Variants in PTPRQ observed in about 807,000 individuals in gnomAD.
PTPRQ encodes the protein protein tyrosine phosphatase receptor type Q, also known as phosphatidylinositol phosphatase PTPRQ.
In PTPRQ, 199 loss-of-function variants were observed where a neutral mutation model predicts 246.0. That is an observed-to-expected ratio of 0.81 (90% CI 0.72 to 0.91). The LOEUF is 0.91. Ranked by LOEUF, PTPRQ falls within the 40% of genes least tolerant of loss-of-function variation. The probability of loss-of-function intolerance (pLI) is 0.00; values close to 1 mark genes in which losing one functional copy is unlikely to be tolerated. For synonymous variants in PTPRQ, 869 were observed against 853.2 expected (o/e 1.02, Z -0.32); for missense variants, 2,624 against 2,528.4 (o/e 1.04, Z -0.81).
intron 26 of PTPRQ, among the ~76,000 whole-genome samples, chr12:80,593,169 A>T (rs749113352): frequency 6.6e-6 from 1 of 152,226 alleles, no homozygotes; most frequent in Non-Finnish European, 1.5e-5. Context: ...GTTGTACTCA[A>T]GCACTTACTA....
At chr12:80,579,924 GT>G (rs889086974) in intron 25 of PTPRQ, among the ~76,000 whole-genome samples, 6 of 152,140 alleles carry the variant, frequency 3.9e-5, no homozygotes, top group East Asian at 3.9e-4. Context: ...TCAGACATCT[GT>G]TTTGCTTAAA....
At position 80,666,338 on chromosome 12, in the gene PTPRQ, T is replaced by C. The variant is rs1044882470; in HGVS notation, c.6193-2669T>C. On this transcript the variant is annotated intron_variant, in intron 39 of 44. Transcript: ENST00000644991. ...GAACAGAAAAATAAATACCACATGT[T>C]CTCACTTATGCAGAGGCTGAAAAAG... 8.5e-5 allele frequency among the ~76,000 whole-genome samples: 13 copies of C among 152,136 alleles called. No homozygotes were observed. The East Asian group carries it at 2.5e-3, about 30-fold the overall frequency.
intron 42 of PTPRQ, among the ~76,000 whole-genome samples, chr12:80,672,852 G>T (rs1401474046): frequency 1.3e-5 from 2 of 151,730 alleles, no homozygotes; most frequent in Non-Finnish European, 2.9e-5. Context: ...CTGGTATTAA[G>T]AATTTTCAAT....
At chr12:80,677,187 A>C (rs977350202) in intron 43 of PTPRQ, among the ~76,000 whole-genome samples, 1 of 152,196 alleles carries the variant, frequency 6.6e-6, no homozygotes. Flanking sequence ...TATTTTTTTA[A>C]ATACTAGAAC....
chr12:80,619,547 CAT>C lies in PTPRQ; in HGVS notation c.5389+6_5389+7del. On this transcript the variant is annotated splice_donor_region_variant and intron_variant, in intron 31 of 44. Coordinates refer to ENST00000644991, the MANE Select transcript of PTPRQ (RefSeq NM_001145026.2). ...TGCTTGTGACAGAAACAGGAGGTATCATCACATGTCAATTTATCTTGTTAAAT... is the reference window on the plus strand; with the variant it reads ...TGCTTGTGACAGAAACAGGAGGTATCCACATGTCAATTTATCTTGTTAAAT... 1 of 1,510,442 alleles carries C rather than the reference CAT, an allele frequency of 6.6e-7. No individual in the cohort carries two copies. Among genetic ancestry groups the C allele is most frequent in the Non-Finnish European group, 8.9e-7 (1 of 1,124,112 alleles). The allele number at this position is 1,510,442 out of a possible 1,614,324, so 93.6% of individuals were successfully genotyped here.
chr12:80,546,771 A>G (rs1364768701), intron 24 of PTPRQ, 74 bp downstream of exon 24: 29 of 1,480,930 alleles, frequency 2.0e-5, no homozygotes, highest in South Asian at 2.6e-5. Flanking sequence ...CTTAGTTTAT[A>G]TGATAAAGTA....
chr12:80,549,348 T>C, intron 24 of PTPRQ, 117 bp from the exon 25 acceptor site: 1 of 1,249,108 alleles, frequency 8.0e-7, no homozygotes, highest in Non-Finnish European at 1.1e-6. Context: ...GAAAATTTGA[T>C]ATATTAAATA....
At position 80,539,265 on chromosome 12, in the gene PTPRQ, C is replaced by T. The variant is rs1222802381; in HGVS notation, c.2986-511C>T. Among the ~76,000 whole-genome samples, 5 of 151,892 alleles carry T rather than the reference C, an allele frequency of 3.3e-5. No homozygotes were observed. In the East Asian group the frequency reaches 9.6e-4, roughly 29 times the overall value. ...TTGCTACAACTGTGAGAAGTAAAGTCTGAAAAGAAATGTGAAAGTCTGAAA... is the reference window on the plus strand; with the variant it reads ...TTGCTACAACTGTGAGAAGTAAAGTTTGAAAAGAAATGTGAAAGTCTGAAA... On this transcript the variant is annotated intron_variant, in intron 19 of 44. Transcript: ENST00000644991.
At chr12:80,557,357 C>G (rs1811227962) in intron 25 of PTPRQ, among the ~76,000 whole-genome samples, 1 of 151,642 alleles carries the variant, frequency 6.6e-6, no homozygotes, top group Non-Finnish European at 1.5e-5. Context: ...ATTATATGTA[C>G]CATTATCTGT....
chr12:80,506,283 AG>A, intron 15 of PTPRQ, 77 bp downstream of exon 15: 1 of 1,346,984 alleles, frequency 7.4e-7, no homozygotes, highest in Non-Finnish European at 9.9e-7. Context: ...TAATGTTAAT[AG>A]TTTCAGATTA....
At chr12:80,543,992 A>G (rs1896230195) in intron 23 of PTPRQ, among the ~76,000 whole-genome samples, 1 of 152,124 alleles carries the variant, frequency 6.6e-6, no homozygotes, top group Non-Finnish European at 1.5e-5. Flanking sequence ...TTCTCAGAGT[A>G]ATCGCATTCC....
intron 25 of PTPRQ, among the ~76,000 whole-genome samples, chr12:80,551,628 G>GT (rs1315281411): frequency 2.0e-4 from 30 of 152,124 alleles, no homozygotes; most frequent in African/African-American, 7.2e-4. Context: ...GGCACCATGT[G>GT]TAGGAGATGG....
At chr12:80,453,421 C>G (rs971452342) in intron 3 of PTPRQ, among the ~76,000 whole-genome samples, 2 of 152,144 alleles carry the variant, frequency 1.3e-5, no homozygotes, top group Non-Finnish European at 2.9e-5. Flanking sequence ...AACTGCGTTC[C>G]TTTGGAGGAG....
intron 26 of PTPRQ, among the ~76,000 whole-genome samples, chr12:80,597,520 A>G (rs1203356351): frequency 6.6e-6 from 1 of 151,986 alleles, no homozygotes; most frequent in Non-Finnish European, 1.5e-5. Context: ...GGCTTGATAC[A>G]TGTTTCCATG....
At position 80,549,726 on chromosome 12, in the gene PTPRQ, CTGAAACAGGTAACTAACG is replaced by C. The variant is rs141686707; in HGVS notation, c.4285+10_4285+27del. 0.055 allele frequency: 84,574 copies of C among 1,539,128 alleles called. 2,631 individuals are homozygous for C. The highest frequency in any genetic ancestry group is 0.062 in the Non-Finnish European group (71,132 of 1,140,144). Reference sequence around the variant, plus strand: ...AGCACATGCCATGTCAGCACACTACCTGAAACAGGTAACTAACGTGAAACAGGTAACTAACATGAAACC... The same window carrying C: ...AGCACATGCCATGTCAGCACACTACCTGAAACAGGTAACTAACATGAAACC... On this transcript the variant is annotated splice_donor_variant and splice_donor_5th_base_variant and coding_sequence_variant and intron_variant, in exon 25 of 45. Coordinates refer to ENST00000644991, the MANE Select transcript of PTPRQ (RefSeq NM_001145026.2). LOFTEE classifies it high-confidence loss of function.
At chr12:80,455,889 G>T (rs373332655) in intron 3 of PTPRQ, among the ~76,000 whole-genome samples, 1 of 151,928 alleles carries the variant, frequency 6.6e-6, no homozygotes, top group Non-Finnish European at 1.5e-5. Context: ...GTGAGCCACC[G>T]CGCCCAGCCG....
At chr12:80,489,194 CTT>C (rs1565741046) in intron 9 of PTPRQ, among the ~76,000 whole-genome samples, 1 of 152,042 alleles carries the variant, frequency 6.6e-6, no homozygotes, top group Non-Finnish European at 1.5e-5. Flanking sequence ...AAATACCTGT[CTT>C]TTAATTTTCA....
At chr12:80,457,791 G>A (rs1187548835) in intron 4 of PTPRQ, 147 bp downstream of exon 4, 5 of 391,396 alleles carry the variant, frequency 1.3e-5, no homozygotes, top group African/African-American at 4.1e-5. Flanking sequence ...CTTTCGGATA[G>A]CTAATTTATT....
chr12:80,654,495 A>T (rs1900363220), intron 38 of PTPRQ, among the ~76,000 whole-genome samples: 1 of 152,150 alleles, frequency 6.6e-6, no homozygotes, highest in African/African-American at 2.4e-5. Context: ...CTGTGAAAAT[A>T]AATACTGTAA....
Sources: gnomAD v4.1 joint callset for allele counts (sites outside exome capture counted in the v4.1 genomes callset) on GRCh38, gnomAD v4.1.1 for gene constraint, MANE v1.5 for transcripts, NCBI Gene and HGNC (gene_info 2026-07-23, HGNC 2026-07-21) for gene names.